Variants in DOCK2 observed in about 807,000 individuals in gnomAD.
The protein encoded by DOCK2 is dedicator of cytokinesis protein 2.
A neutral mutation model predicts 248.9 loss-of-function variants in DOCK2; 87 were observed. The observed-to-expected ratio is 0.35, with a 90% CI of 0.29 to 0.42. DOCK2 has a LOEUF of 0.42. Ranked by LOEUF, DOCK2 falls within the 10% of genes least tolerant of loss-of-function variation. The pLI, the probability that DOCK2 is intolerant of heterozygous loss-of-function variation, is 1.00. For missense variants in DOCK2, 1,747 were observed against 2,300.2 expected (o/e 0.76, Z 4.92); for synonymous variants, 805 against 821.6 (o/e 0.98, Z 0.35).
At chr5:169,924,541 TTGGG>T (rs1775336652) in intron 27 of DOCK2, among the ~76,000 whole-genome samples, 1 of 152,206 alleles carries the variant, frequency 6.6e-6, no homozygotes, top group Non-Finnish European at 1.5e-5. Flanking sequence ...TGGCTGCTTC[TTGGG>T]TAGCAATTTA....
intron 33 of DOCK2, among the ~76,000 whole-genome samples, chr5:170,023,332 A>G (rs867739015): frequency 6.6e-6 from 1 of 152,234 alleles, no homozygotes; most frequent in Non-Finnish European, 1.5e-5. Context: ...ATGTTAGCAG[A>G]TTCCACTGAG....
At chr5:169,716,787 T>A (rs1396969983) in intron 20 of DOCK2, among the ~76,000 whole-genome samples, 3 of 152,206 alleles carry the variant, frequency 2.0e-5, no homozygotes, top group Non-Finnish European at 4.4e-5. Context: ...CTATGGTCTT[T>A]TTGTCCTCTC....
chr5:170,019,748 G>A (rs773242440), intron 33 of DOCK2, among the ~76,000 whole-genome samples: 1 of 152,136 alleles, frequency 6.6e-6, no homozygotes, highest in Non-Finnish European at 1.5e-5. Flanking sequence ...CTCTGGCAGT[G>A]GAAGAAGCAC....
chr5:169,712,017 A>G lies in DOCK2; in HGVS notation c.1555+10A>G, dbSNP rs373086704. 2.0e-4 allele frequency: 325 copies of G among 1,614,034 alleles called. No individual in the cohort carries two copies. The highest frequency in any genetic ancestry group is 2.6e-4 in the Non-Finnish European group (302 of 1,179,978). ...CGGTCATCTCTGGAATGTGAGTACC[A>G]TACTGAATGGCATCTCTGCACCTCC... On this transcript the variant is annotated intron_variant, in intron 16 of 51. Transcript: ENST00000520908.
intron 25 of DOCK2, among the ~76,000 whole-genome samples, chr5:169,800,931 C>CT (rs1766925206): frequency 2.6e-5 from 2 of 77,592 alleles, no homozygotes; most frequent in Non-Finnish European, 4.9e-5. Context: ...TTTCTTTTTT[C>CT]TTTTCTTTCT....
intron 27 of DOCK2, among the ~76,000 whole-genome samples, chr5:169,935,807 A>G (rs1775966506): frequency 6.6e-6 from 1 of 152,210 alleles, no homozygotes; most frequent in Non-Finnish European, 1.5e-5. Flanking sequence ...AAAATCAGAC[A>G]TTTCTGGTAG....
chr5:169,929,960 GAA>G (rs1775666162), intron 27 of DOCK2, among the ~76,000 whole-genome samples: 1 of 152,070 alleles, frequency 6.6e-6, no homozygotes, highest in African/African-American at 2.4e-5. Context: ...TAATGTGACT[GAA>G]GAATAGAACT....
chr5:169,858,700 A>G (rs1013290005), intron 27 of DOCK2, among the ~76,000 whole-genome samples: 1 of 152,108 alleles, frequency 6.6e-6, no homozygotes, highest in Admixed American at 6.5e-5. Flanking sequence ...TGTGGAGAAG[A>G]TATTTGAGAA....
At chr5:170,045,165 C>T (rs571836318) in intron 38 of DOCK2, among the ~76,000 whole-genome samples, 5 of 152,226 alleles carry the variant, frequency 3.3e-5, no homozygotes, top group African/African-American at 1.2e-4. Context: ...TTCCACACAT[C>T]AAATAATCCC....
chr5:169,818,990 G>A (rs1043009546), intron 26 of DOCK2, among the ~76,000 whole-genome samples: 9 of 152,026 alleles, frequency 5.9e-5, no homozygotes, highest in South Asian at 2.1e-4. Context: ...CAAAGGGTAC[G>A]TAAAAACAGA....
chr5:169,877,827 C>G (rs1772416822), intron 27 of DOCK2, among the ~76,000 whole-genome samples: 1 of 152,148 alleles, frequency 6.6e-6, no homozygotes, highest in Non-Finnish European at 1.5e-5. Flanking sequence ...TTCTATTTCT[C>G]TCACCTCTCT....
At chr5:169,844,137 C>T (rs1770162589) in intron 27 of DOCK2, among the ~76,000 whole-genome samples, 1 of 152,130 alleles carries the variant, frequency 6.6e-6, no homozygotes, top group African/African-American at 2.4e-5. Flanking sequence ...AACTATTTTC[C>T]ATAGTAGCCA....
chr5:169,915,332 C>A (rs1774816832), intron 27 of DOCK2, among the ~76,000 whole-genome samples: 1 of 152,096 alleles, frequency 6.6e-6, no homozygotes, highest in Admixed American at 6.6e-5. Context: ...AAATCATCAG[C>A]AAAAGCACCA....
intron 27 of DOCK2, among the ~76,000 whole-genome samples, chr5:169,843,152 G>A (rs1770087363): frequency 6.6e-6 from 1 of 152,134 alleles, no homozygotes; most frequent in East Asian, 1.9e-4. Flanking sequence ...TGTCTTACAT[G>A]CAGGCTTAGC....
intron 27 of DOCK2, among the ~76,000 whole-genome samples, chr5:169,920,523 G>A (rs1218614649): frequency 1.3e-5 from 2 of 151,270 alleles, no homozygotes; most frequent in African/African-American, 2.4e-5. Flanking sequence ...AATGCAAACC[G>A]AGATCTCACC....
intron 40 of DOCK2, 29 bp downstream of exon 40, chr5:170,047,643 G>A (rs776410242): frequency 6.2e-7 from 1 of 1,602,612 alleles, no homozygotes; most frequent in South Asian, 1.1e-5. Context: ...TGGACACCAG[G>A]CGAGAGCCCC....
chr5:169,696,089 G>A, intron 10 of DOCK2, 151 bp downstream of exon 10: 3 of 1,098,608 alleles, frequency 2.7e-6, no homozygotes, highest in Middle Eastern at 3.1e-4. Context: ...CATTTCTGGT[G>A]ACTAAATCAA....
intron 11 of DOCK2, among the ~76,000 whole-genome samples, 187 bp from the exon 12 acceptor site, chr5:169,699,195 T>C (rs1760812455): frequency 6.6e-6 from 1 of 152,192 alleles, no homozygotes; most frequent in East Asian, 1.9e-4. Context: ...TATTCCCAAA[T>C]TTCAGAGCCA....
intron 33 of DOCK2, among the ~76,000 whole-genome samples, chr5:170,023,774 T>C (rs969989091): frequency 5.3e-5 from 8 of 152,204 alleles, no homozygotes; most frequent in Admixed American, 6.5e-5. Flanking sequence ...GGTGTTGATG[T>C]CATCCTTGTC....
Sources: gnomAD v4.1 joint callset for allele counts (sites outside exome capture counted in the v4.1 genomes callset) on GRCh38, gnomAD v4.1.1 for gene constraint, MANE v1.5 for transcripts, NCBI Gene and HGNC (gene_info 2026-07-23, HGNC 2026-07-21) for gene names.